The following RALGAPA1 variants were observed in gnomAD, a reference collection of about 807,000 sequenced individuals.
RALGAPA1 encodes the protein ral GTPase-activating protein subunit alpha-1.
A neutral mutation model predicts 269.6 loss-of-function variants in RALGAPA1; 52 were observed. The ratio of observed to expected loss-of-function variants is 0.19; its 90% CI spans 0.15 to 0.24. RALGAPA1 has a LOEUF of 0.24. Ranked by LOEUF, RALGAPA1 falls within the 10% of genes least tolerant of loss-of-function variation. RALGAPA1 has a pLI of 1.00. For missense variants in RALGAPA1, 1,917 were observed against 3,013.9 expected, an observed-to-expected ratio of 0.64 and a Z score of 8.52; for synonymous variants, 817 against 1,008.3, an observed-to-expected ratio of 0.81 and a Z score of 3.60.
At chr14:35,723,494 T>A in intron 14 of RALGAPA1, 1 of 344,936 alleles carries the variant, frequency 2.9e-6, no homozygotes, top group Non-Finnish European at 5.3e-6. Flanking sequence ...TAAAAAGAAA[T>A]CTCCCTAAAT....
chr14:35,627,010 A>C (rs1316685661), intron 34 of RALGAPA1, 80 bp downstream of exon 34: 1 of 1,348,904 alleles, frequency 7.4e-7, no homozygotes, highest in Non-Finnish European at 9.8e-7. Context: ...GAGGAAAAGA[A>C]CAGAAAATAA....
chr14:35,775,146 C>G, intron 2 of RALGAPA1, 91 bp from the exon 3 acceptor site: 1 of 724,396 alleles, frequency 1.4e-6, no homozygotes, highest in Non-Finnish European at 2.3e-6. Context: ...TTTTTTTTTT[C>G]CCAGCAATTA....
intron 22 of RALGAPA1, chr14:35,677,573 A>T (rs2057714667): frequency 6.3e-6 from 1 of 159,246 alleles, no homozygotes; most frequent in Admixed American, 6.5e-5. Context: ...AGCTTGATTA[A>T]CAAGTGATAA....
intron 35 of RALGAPA1, among the ~76,000 whole-genome samples, chr14:35,618,766 T>C (rs1047683689): frequency 2.1e-4 from 32 of 151,916 alleles, no homozygotes; most frequent in Non-Finnish European, 4.1e-4. Context: ...ACAAAGTAAA[T>C]ATTAAAAAGA....
chr14:35,728,567 A>G, intron 12 of RALGAPA1, 57 bp from the exon 13 acceptor site: 2 of 1,510,812 alleles, frequency 1.3e-6, no homozygotes, highest in South Asian at 2.8e-5. Flanking sequence ...CAAATTTCTT[A>G]TTCAAAGAGA....
chr14:35,657,962 C>T (rs1405578599), intron 28 of RALGAPA1, among the ~76,000 whole-genome samples: 1 of 152,034 alleles, frequency 6.6e-6, no homozygotes, highest in African/African-American at 2.4e-5. Flanking sequence ...AGAACAGTGC[C>T]TAGCAAGCAC....
chr14:35,563,020 C>CAAAAAAAA lies in RALGAPA1; in HGVS notation c.7496+7589_7496+7596dup, dbSNP rs71445944. Among the ~76,000 whole-genome samples the CAAAAAAAA allele has an allele frequency of 1.9e-3, 69 of 37,260 alleles. 7 individuals carry two copies. Among genetic ancestry groups the CAAAAAAAA allele is most frequent in the East Asian group, 0.012 (7 of 584 alleles). The allele number at this position is 37,260 out of a possible 152,430, so 24.4% of individuals were successfully genotyped here. On this transcript the variant is annotated intron_variant, in intron 39 of 41. Coordinates refer to ENST00000680220, the MANE Select transcript of RALGAPA1 (RefSeq NM_001346249.2). ...TGGGCAACAGAGCGAGAGTCCGTCT[C>CAAAAAAAA]AAAAAAAAAAAAAAAAAAAAAAAAA...
At chr14:35,548,128 TATC>T (rs974581920) in intron 41 of RALGAPA1, among the ~76,000 whole-genome samples, 8 of 152,100 alleles carry the variant, frequency 5.3e-5, no homozygotes, top group Non-Finnish European at 1.0e-4. Flanking sequence ...CACAGAGAGT[TATC>T]ATTTGATGAG....
At chr14:35,598,505 C>T (rs904005296) in intron 36 of RALGAPA1, among the ~76,000 whole-genome samples, 29 of 151,916 alleles carry the variant, frequency 1.9e-4, no homozygotes, top group Admixed American at 1.1e-3. Context: ...CTGCAACCTC[C>T]GCCTCCTGGG....
chr14:35,540,557 C>A (rs1273075470), intron 41 of RALGAPA1, among the ~76,000 whole-genome samples: 1 of 152,070 alleles, frequency 6.6e-6, no homozygotes. Context: ...CTCTAATATG[C>A]AGCAATACTA....
At chr14:35,791,607 C>CAAA (rs981124408) in intron 1 of RALGAPA1, among the ~76,000 whole-genome samples, 4 of 138,538 alleles carry the variant, frequency 2.9e-5, no homozygotes, top group Non-Finnish European at 6.3e-5. Context: ...AACTCTGTCT[C>CAAA]AAAAAAAAAA....
In RALGAPA1 at chr14:35,688,876, G is replaced by A. The variant is rs762976856; in HGVS notation, c.3535C>T (p.Arg1179Trp). The change falls in exon 18 of 42, where the codon CGG becomes TGG. Residue 1179 changes from arginine to tryptophan, a missense_variant. Arg to Trp is a moderately radical substitution (Grantham distance 101, BLOSUM62 -3). Around this residue, in one of 11 missense-constraint regions of RALGAPA1, gnomAD observed 615 missense variants for 790.0 expected, o/e 0.78. Transcript: ENST00000680220. ...NKEAPWKMRL[R>W]KLGGFSSGSS... ...CCACTACTAAAGCCACCGAGCTTCC[G>A]CAGTCTCATCTTCCATGGAGCCTCT... The A allele has an allele frequency of 1.3e-5, 16 of 1,279,864 alleles. No individual in the cohort carries two copies. The highest frequency in any genetic ancestry group is 5.7e-5 in the East Asian group (2 of 35,176). 79.3% of individuals were successfully genotyped at this position (1,279,864 alleles called of 1,614,324 possible). A position where few individuals can be genotyped will look rare whatever the true frequency, so the allele number is the denominator to read the frequency against.
At chr14:35,641,433 G>A (rs2062023892) in intron 31 of RALGAPA1, among the ~76,000 whole-genome samples, 2 of 152,112 alleles carry the variant, frequency 1.3e-5, no homozygotes, top group African/African-American at 4.8e-5. Flanking sequence ...ACAAAAATTA[G>A]TAGCATTTCT....
intron 13 of RALGAPA1, 46 bp from the exon 14 acceptor site, chr14:35,725,199 G>GC (rs1366054495): frequency 5.4e-5 from 78 of 1,437,440 alleles, no homozygotes; most frequent in Non-Finnish European, 7.2e-5. Context: ...GCATATGTTT[G>GC]CATTTGGTTA....
At chr14:35,595,534 G>C (rs1487455615) in intron 37 of RALGAPA1, 100 bp downstream of exon 37, 2 of 1,095,298 alleles carry the variant, frequency 1.8e-6, no homozygotes, top group Non-Finnish European at 1.4e-6. Flanking sequence ...ACTACAACCA[G>C]AAACAGTGCT....
chr14:35,763,181 A>G (rs112178485), intron 4 of RALGAPA1, among the ~76,000 whole-genome samples: 185 of 149,390 alleles, frequency 1.2e-3, no homozygotes, highest in African/African-American at 4.2e-3. Flanking sequence ...AGTTTTGAAA[A>G]GTCATTAATA....
At chr14:35,648,728 G>A (rs1299305120) in intron 31 of RALGAPA1, among the ~76,000 whole-genome samples, 1 of 152,144 alleles carries the variant, frequency 6.6e-6, no homozygotes, top group African/African-American at 2.4e-5. Flanking sequence ...AGTGTGGGAG[G>A]TGGAGGTTGC....
At chr14:35,697,360 T>G (rs140166433) in intron 17 of RALGAPA1, among the ~76,000 whole-genome samples, 1,632 of 151,662 alleles carry the variant, frequency 0.011, 22 homozygotes, top group Non-Finnish European at 0.014. Context: ...GTTTTGTTTT[T>G]TTTTGAGACG....
chr14:35,671,683 T>C (rs1002041551), intron 25 of RALGAPA1, among the ~76,000 whole-genome samples, 166 bp from the exon 26 acceptor site: 2 of 152,238 alleles, frequency 1.3e-5, no homozygotes, highest in African/African-American at 4.8e-5. Context: ...AATCCATGCT[T>C]AATATTATAT....
Sources: gnomAD v4.1 joint callset for allele counts (sites outside exome capture counted in the v4.1 genomes callset) on GRCh38, gnomAD v4.1.1 for gene constraint, gnomAD v4.1.1 regional missense constraint, MANE v1.5 for transcripts, NCBI Gene and HGNC (gene_info 2026-07-23, HGNC 2026-07-21) for gene names.